ERC1: variants seen among roughly 807,000 people sequenced by gnomAD.
ERC1 encodes the protein ELKS/RAB6-interacting/CAST family member 1.
In ERC1, 56 loss-of-function variants were observed where a neutral mutation model predicts 132.0. That is an observed-to-expected ratio of 0.42 (90% CI 0.34 to 0.53). The LOEUF (loss-of-function observed/expected upper bound fraction) is 0.53, where lower values mean the gene tolerates loss of function less well. Ranked by LOEUF, ERC1 falls within the 20% of genes least tolerant of loss-of-function variation. The probability of loss-of-function intolerance (pLI) is 0.03; values close to 1 mark genes in which losing one functional copy is unlikely to be tolerated. For missense variants in ERC1, 1,202 were observed against 1,349.9 expected, an observed-to-expected ratio of 0.89 and a Z score of 1.72; for synonymous variants, 478 against 476.1, an observed-to-expected ratio of 1.00 and a Z score of -0.05.
At chr12:1,355,458 C>T (rs939310764) in intron 15 of ERC1, among the ~76,000 whole-genome samples, 2 of 152,190 alleles carry the variant, frequency 1.3e-5, no homozygotes, top group Non-Finnish European at 2.9e-5. Context: ...ATGCAACCTA[C>T]ACCATAAAAA....
chr12:1,072,074 C>T (rs1394181783), intron 2 of ERC1, among the ~76,000 whole-genome samples: 1 of 149,398 alleles, frequency 6.7e-6, no homozygotes, highest in Admixed American at 6.8e-5. Flanking sequence ...ACACTCCAGC[C>T]TGGGCAGCAG....
At chr12:1,057,585 G>GTTTTTTTTTTT (rs59761885) in intron 2 of ERC1, among the ~76,000 whole-genome samples, 1 of 47,690 alleles carries the variant, frequency 2.1e-5, no homozygotes, top group East Asian at 6.7e-4. Context: ...GATGCGCATG[G>GTTTTTTTTTTT]TTTTTTTTTT....
rs2094345057 is a variant in ERC1 at position 1,494,628 on chromosome 12, G to A, written c.*4398G>A. 1.3e-5 allele frequency: 3 copies of A among 230,964 alleles called. No homozygotes were observed. Among genetic ancestry groups the A allele is most frequent in the Non-Finnish European group, 2.6e-5 (3 of 116,710 alleles). 14.3% of individuals were successfully genotyped at this position (230,964 alleles called of 1,614,324 possible). On this transcript the variant is annotated 3_prime_UTR_variant, in exon 19 of 19. Transcript: ENST00000360905. ...TGGCCCTGTTGTAGGTACTTCTCCT[G>A]ACTCTTGGGGGAGAAGTGGTTTTAG... is the stretch of plus-strand genomic sequence containing the variant.
intron 12 of ERC1, among the ~76,000 whole-genome samples, chr12:1,197,595 A>C (rs949661963): frequency 1.3e-5 from 2 of 152,180 alleles, no homozygotes; most frequent in African/African-American, 2.4e-5. Flanking sequence ...CAGTTTTTCT[A>C]CACATGTGCT....
chr12:1,324,466 A>T (rs1212777712), intron 15 of ERC1, among the ~76,000 whole-genome samples: 1 of 152,208 alleles, frequency 6.6e-6, no homozygotes, highest in Non-Finnish European at 1.5e-5. Flanking sequence ...TCATTCATGG[A>T]CACCAAAGAC....
At chr12:1,452,708 T>C (rs1306760179) in intron 18 of ERC1, among the ~76,000 whole-genome samples, 3 of 152,186 alleles carry the variant, frequency 2.0e-5, no homozygotes, top group Non-Finnish European at 2.9e-5. Flanking sequence ...GTTCACTTTC[T>C]TTTTGTGTGT....
rs1217432398 is a variant in ERC1 at position 1,491,728 on chromosome 12, C to T, written c.*1498C>T. ...CATTTCCTGACATCTGCATGTACCT[C>T]GTGGAATTCAGCCAGCTTCATGTTG... is the stretch of plus-strand genomic sequence containing the variant. On this transcript the variant is annotated 3_prime_UTR_variant, in exon 19 of 19. Transcript: ENST00000360905. 2 of 231,018 alleles carry T rather than the reference C, an allele frequency of 8.7e-6. No individual in the cohort carries two copies. The highest frequency in any genetic ancestry group is 5.6e-5 in the Admixed American group (1 of 17,710). The allele number at this position is 231,018 out of a possible 1,614,324, so 14.3% of individuals were successfully genotyped here.
chr12:1,400,938 T>A (rs1239585785), intron 16 of ERC1, among the ~76,000 whole-genome samples: 8 of 105,984 alleles, frequency 7.5e-5, no homozygotes, highest in East Asian at 2.6e-4. Flanking sequence ...TTTTTTTTTT[T>A]TTTTTTTTTT....
At chr12:1,367,505 TCAGATTTTTAACCA>T (rs1192876866) in intron 15 of ERC1, among the ~76,000 whole-genome samples, 1 of 152,192 alleles carries the variant, frequency 6.6e-6, no homozygotes, top group African/African-American at 2.4e-5. Flanking sequence ...TAGGACTCAT[TCAGATTTTTAACCA>T]CCATATCACA....
At chr12:1,106,602 G>A (rs934704500) in intron 4 of ERC1, among the ~76,000 whole-genome samples, 23 of 151,842 alleles carry the variant, frequency 1.5e-4, no homozygotes, top group African/African-American at 5.1e-4. Flanking sequence ...TGGATTCTGG[G>A]TTCTTTGTAG....
chr12:1,213,162 A>G (rs1055774342), intron 12 of ERC1, among the ~76,000 whole-genome samples: 4 of 152,144 alleles, frequency 2.6e-5, no homozygotes, highest in Non-Finnish European at 5.9e-5. Flanking sequence ...TTCTAGATGT[A>G]AAATTATTTC....
At chr12:1,118,306 A>G (rs1194112199) in intron 7 of ERC1, among the ~76,000 whole-genome samples, 1 of 152,198 alleles carries the variant, frequency 6.6e-6, no homozygotes, top group Non-Finnish European at 1.5e-5. Context: ...AAAGCTTGTC[A>G]CAGTCTAATA....
chr12:1,383,442 C>G (rs1163771629), intron 16 of ERC1, among the ~76,000 whole-genome samples: 1 of 152,088 alleles, frequency 6.6e-6, no homozygotes, highest in Non-Finnish European at 1.5e-5. Context: ...CTCTTTTGGT[C>G]TCTTTTGAAC....
At chr12:1,405,571 C>T (rs1474665338) in intron 16 of ERC1, among the ~76,000 whole-genome samples, 1 of 151,986 alleles carries the variant, frequency 6.6e-6, no homozygotes, top group Non-Finnish European at 1.5e-5. Flanking sequence ...GGCGTGGTGG[C>T]AGGCGCCTGT....
At chr12:1,068,985 A>G (rs1461135837) in intron 2 of ERC1, among the ~76,000 whole-genome samples, 1 of 152,248 alleles carries the variant, frequency 6.6e-6, no homozygotes, top group Non-Finnish European at 1.5e-5. Context: ...ATGGAGAAAC[A>G]TAAGGTCTTA....
chr12:1,024,451 G>T (rs766508519), intron 1 of ERC1, among the ~76,000 whole-genome samples: 1 of 152,090 alleles, frequency 6.6e-6, no homozygotes, highest in Non-Finnish European at 1.5e-5. Context: ...CCACCTGCCT[G>T]TTATTTCAAA....
chr12:1,243,335 G>A (rs953755081), intron 13 of ERC1, among the ~76,000 whole-genome samples: 2 of 152,150 alleles, frequency 1.3e-5, no homozygotes, highest in African/African-American at 4.8e-5. Flanking sequence ...CCAGGGGAGT[G>A]TTAGAACCAA....
At position 1,094,415 on chromosome 12, in the gene ERC1, C is replaced by CTCTTTTT. The variant is rs376372967; in HGVS notation, c.1087-10334_1087-10333insCTTTTTT. ...TTTATTTAAGTTATTCCTTCTCTCT[C>CTCTTTTT]TTTTTTTTTTTTGGCAACAGAGTCT... is the stretch of plus-strand genomic sequence containing the variant. On this transcript the variant is annotated intron_variant, in intron 3 of 18. Coordinates refer to ENST00000360905, the MANE Select transcript of ERC1 (RefSeq NM_178040.4). Among the ~76,000 whole-genome samples the CTCTTTTT allele has an allele frequency of 1.4e-3, 194 of 138,016 alleles. 4 individuals are homozygous for CTCTTTTT. The highest frequency in any genetic ancestry group is 4.6e-3 in the South Asian group (20 of 4,394). The allele number at this position is 138,016 out of a possible 152,430, so 90.5% of individuals were successfully genotyped here.
chr12:1,108,034 C>A (rs1945448418), intron 4 of ERC1, among the ~76,000 whole-genome samples: 1 of 152,026 alleles, frequency 6.6e-6, no homozygotes, highest in Admixed American at 6.6e-5. Context: ...GAATAAGAAA[C>A]CTGGTTGGAA....
Sources: allele counts gnomAD v4.1 joint callset (sites outside exome capture counted in the v4.1 genomes callset), GRCh38; gene constraint gnomAD v4.1.1; transcripts MANE v1.5; gene names NCBI Gene and HGNC (gene_info 2026-07-23, HGNC 2026-07-21).